Variants in NUP133 observed in about 807,000 individuals in gnomAD.
NUP133 encodes nuclear pore complex protein Nup133.
In NUP133, 66 loss-of-function variants were observed where a neutral mutation model predicts 146.2. That is an observed-to-expected ratio of 0.45 (90% confidence interval 0.37 to 0.55). NUP133 has a LOEUF of 0.55. NUP133 is among the 20% of genes least tolerant of loss of function. The pLI is 0.00. For missense variants in NUP133, 1,277 were observed against 1,374.8 expected (o/e 0.93, Z 1.12); for synonymous variants, 521 against 498.8 (o/e 1.04, Z -0.59).
chr1:229,462,347 G>A (rs1363853519), intron 19 of NUP133, among the ~76,000 whole-genome samples: 1 of 152,180 alleles, frequency 6.6e-6, no homozygotes, highest in Non-Finnish European at 1.5e-5. Flanking sequence ...ACATAGAGTG[G>A]AAAGACTGAA....
intron 11 of NUP133, among the ~76,000 whole-genome samples, chr1:229,484,478 T>C (rs1377698005): frequency 3.3e-5 from 5 of 152,234 alleles, no homozygotes; most frequent in African/African-American, 1.2e-4. Flanking sequence ...TTGGACAAGC[T>C]TGGTCCATAC....
intron 9 of NUP133, among the ~76,000 whole-genome samples, chr1:229,487,908 A>AT (rs1661403163): frequency 6.8e-6 from 1 of 146,418 alleles, no homozygotes; most frequent in Non-Finnish European, 1.5e-5. Flanking sequence ...TAGTGGTGCA[A>AT]TCTTGGCTCT....
intron 2 of NUP133, among the ~76,000 whole-genome samples, chr1:229,504,178 TAG>T (rs1462750468): frequency 6.6e-6 from 1 of 152,160 alleles, no homozygotes; most frequent in East Asian, 1.9e-4. Flanking sequence ...ATACAGTAAA[TAG>T]AGTTATTCAC....
Position 229,508,213 on chromosome 1 carries a change from T to C in NUP133, c.37A>G (p.Thr13Ala). Residue 13 changes from threonine to alanine, a missense_variant, in exon 1 of 26, where the codon ACC becomes GCC. Thr to Ala is a moderately conservative substitution (Grantham distance 58, BLOSUM62 0). Transcript: ENST00000261396. ...GCCAGCGGGCCCCTTCGGGACCCGG[T>C]ACCCGGGGTCCGCGGAGAAGGGGCG... ...PAAPSPRTPG[T>A]GSRRGPLAGL... 6.4e-7 allele frequency: 1 copy of C among 1,552,768 alleles called. No individual in the cohort carries two copies. The highest frequency in any genetic ancestry group is 1.2e-5 in the South Asian group (1 of 84,878).
intron 10 of NUP133, among the ~76,000 whole-genome samples, chr1:229,486,903 GAA>G (rs572081486): frequency 9.5e-4 from 109 of 115,080 alleles, no homozygotes; most frequent in Middle Eastern, 4.6e-3. Context: ...ATGGGGACTG[GAA>G]AAAAAAAAAA....
intron 6 of NUP133, among the ~76,000 whole-genome samples, chr1:229,496,561 G>A (rs1333075659): frequency 1.3e-5 from 2 of 152,212 alleles, no homozygotes; most frequent in East Asian, 3.8e-4. Context: ...AAGGATACAG[G>A]TGGAAAGCCC....
intron 24 of NUP133, among the ~76,000 whole-genome samples, chr1:229,447,811 T>C (rs1660344231): frequency 6.6e-6 from 1 of 152,262 alleles, no homozygotes; most frequent in South Asian, 2.1e-4. Flanking sequence ...TCATCTGTAT[T>C]CTATGTGATA....
At chr1:229,479,448 C>T (rs1206548405) in intron 12 of NUP133, among the ~76,000 whole-genome samples, 2 of 152,126 alleles carry the variant, frequency 1.3e-5, no homozygotes, top group African/African-American at 4.8e-5. Context: ...AATTAAACTT[C>T]ATCATAGGTA....
chr1:229,477,446 A>G lies in NUP133; in HGVS notation c.1756+151T>C, dbSNP rs554700606. 1.9e-5 allele frequency: 12 copies of G among 621,642 alleles called. No individual in the cohort carries two copies. In the South Asian group the frequency reaches 4.6e-4, roughly 24 times the overall value. 38.5% of individuals were successfully genotyped at this position (621,642 alleles called of 1,614,324 possible). ...CAGAGCCTTGCTCTGTCTCAAAAAA[A>G]AAAAAAAAAAGGAAGGTCACAATAT... On this transcript the variant is annotated intron_variant, in intron 13 of 25. Transcript: ENST00000261396.
intron 12 of NUP133, among the ~76,000 whole-genome samples, chr1:229,478,455 G>T (rs73095917): frequency 0.046 from 7,006 of 151,846 alleles, 438 homozygotes; most frequent in African/African-American, 0.12. Flanking sequence ...GGGAGAACTG[G>T]GGGAGGGGTA....
chr1:229,466,604 T>C (rs1660833267), intron 16 of NUP133, 30 bp downstream of exon 16: 8 of 1,612,938 alleles, frequency 5.0e-6, no homozygotes, highest in Non-Finnish European at 6.8e-6. Context: ...TGGGCTTTGA[T>C]TTGCTGAAGC....
chr1:229,463,903 T>C lies in NUP133; in HGVS notation c.2552-227A>G, dbSNP rs188615924. On this transcript the variant is annotated intron_variant, in intron 18 of 25. Transcript: ENST00000261396. Reference sequence around the variant, plus strand: ...GCTCACACCTGTAATCCCAGCACTTTGGGAGGCTGAGGCGGGTGGATCACC... The same window carrying C: ...GCTCACACCTGTAATCCCAGCACTTCGGGAGGCTGAGGCGGGTGGATCACC... Among the ~76,000 whole-genome samples the C allele has an allele frequency of 2.6e-5, 4 of 152,192 alleles. No individual in the cohort carries two copies. In the East Asian group the frequency reaches 7.7e-4, roughly 29 times the overall value.
chr1:229,504,786 G>A (rs1006108370), intron 2 of NUP133, among the ~76,000 whole-genome samples: 1 of 152,158 alleles, frequency 6.6e-6, no homozygotes, highest in Admixed American at 6.5e-5. Context: ...ATCGTAGTCT[G>A]AAAATATTAA....
intron 13 of NUP133, among the ~76,000 whole-genome samples, chr1:229,476,698 T>C (rs2102767015): frequency 1.3e-5 from 2 of 152,012 alleles, no homozygotes; most frequent in East Asian, 3.9e-4. Flanking sequence ...TCAAAGCGGG[T>C]GGACCACCTG....
chr1:229,485,028 TATTA>T (rs971604864), intron 11 of NUP133, among the ~76,000 whole-genome samples: 3 of 152,302 alleles, frequency 2.0e-5, no homozygotes, highest in African/African-American at 4.8e-5. Context: ...CCCCAAACAG[TATTA>T]ATTATTTTTA....
intron 1 of NUP133, among the ~76,000 whole-genome samples, chr1:229,507,100 G>A (rs905400161): frequency 6.6e-6 from 1 of 152,128 alleles, no homozygotes; most frequent in African/African-American, 2.4e-5. Context: ...ATGATCACAA[G>A]AAGAGATTTA....
rs976173418 is a variant in NUP133 at position 229,462,030 on chromosome 1, C to A, written c.2686-1261G>T. On this transcript the variant is annotated intron_variant, in intron 19 of 25. Transcript: ENST00000261396. ...TCCAGAACAGATGGAATTACAGGCA[C>A]ACGCCACCATGACTGGCTAATTTTT... is the stretch of plus-strand genomic sequence containing the variant. 3.3e-5 allele frequency among the ~76,000 whole-genome samples: 5 copies of A among 152,288 alleles called. No individual in the cohort carries two copies. In the East Asian group the frequency reaches 5.8e-4, roughly 18 times the overall value.
rs1484608370 is a variant in NUP133, at chr1:229,488,332, T to C, written c.1195-719A>G. Among the ~76,000 whole-genome samples, 5 of 152,182 alleles carry C rather than the reference T, an allele frequency of 3.3e-5. No individual in the cohort carries two copies. In the East Asian group the frequency reaches 9.6e-4, roughly 29 times the overall value. ...TTTTGTTCTTACCTTACTGCCAAGA[T>C]ATTAATGACAAGAAAACTTAGTTGA... On this transcript the variant is annotated intron_variant, in intron 9 of 25. Transcript: ENST00000261396.
chr1:229,446,513 A>G (rs1660305883), intron 24 of NUP133, among the ~76,000 whole-genome samples: 2 of 152,078 alleles, frequency 1.3e-5, no homozygotes, highest in South Asian at 4.1e-4. Flanking sequence ...AAAACAAAAT[A>G]GGCCAGAAGA....
Sources: allele counts gnomAD v4.1 joint callset (sites outside exome capture counted in the v4.1 genomes callset), GRCh38; gene constraint gnomAD v4.1.1; transcripts MANE v1.5; gene names NCBI Gene and HGNC (gene_info 2026-07-23, HGNC 2026-07-21).